CNBD1: variants seen among roughly 807,000 people sequenced by gnomAD.
CNBD1 encodes cyclic nucleotide binding domain containing 1.
Under a neutral mutation model 54.4 loss-of-function variants are expected in CNBD1, and 71 were observed. The ratio of observed to expected loss-of-function variants is 1.30; its 90% CI spans 1.08 to 1.59. The LOEUF (loss-of-function observed/expected upper bound fraction) is 1.59, where lower values mean the gene tolerates loss of function less well. Among genes scored for constraint, CNBD1 ranks in the 40% most tolerant of loss-of-function variants. CNBD1 has a pLI of 0.00. For synonymous variants in CNBD1, 182 were observed against 170.7 expected (o/e 1.07, Z -0.51); for missense variants, 659 against 518.0 (o/e 1.27, Z -2.64).
chr8:86,870,019 A>G (rs926029295), intron 1 of CNBD1, among the ~76,000 whole-genome samples: 2 of 151,640 alleles, frequency 1.3e-5, no homozygotes, highest in African/African-American at 2.4e-5. Context: ...CATTTTGACT[A>G]CTGGTTGACT....
In CNBD1 at chr8:86,898,304, G is replaced by C. The variant is rs578191505; in HGVS notation, c.159-6777G>C. ...TCAATGTTAAGTGATGGTCAGAATAGTGGTCAAAATAAAATTCAAAGTAAC... is the reference window on the plus strand; with the variant it reads ...TCAATGTTAAGTGATGGTCAGAATACTGGTCAAAATAAAATTCAAAGTAAC... On this transcript the variant is annotated intron_variant, in intron 2 of 10. Coordinates refer to ENST00000518476, the MANE Select transcript of CNBD1 (RefSeq NM_173538.3). Among the ~76,000 whole-genome samples, 7 of 152,050 alleles carry C rather than the reference G, an allele frequency of 4.6e-5. No homozygotes were observed. In the South Asian group the frequency reaches 1.5e-3, roughly 32 times the overall value.
At position 87,237,050 on chromosome 8, in the gene CNBD1, T is replaced by C. The variant is rs1586353833; in HGVS notation, c.709T>C (p.Trp237Arg). ...FISQSFHSFIWSEEFKNSTLA... is the reference protein window; with the variant it reads ...FISQSFHSFIRSEEFKNSTLA... ...ATCTCAGAGTTTCCACAGCTTCATT[T>C]GGAGTGAAGAATTCAAAAACTCTAC... Residue 237 changes from tryptophan (W) to arginine (R), a missense_variant, in exon 6 of 11, where the codon TGG becomes CGG. Physicochemically the swap from Trp to Arg is moderately radical, Grantham distance 101. Coordinates refer to ENST00000518476, the MANE Select transcript of CNBD1 (RefSeq NM_173538.3). 6.2e-7 allele frequency: 1 copy of C among 1,612,214 alleles called. No individual in the cohort carries two copies. The highest frequency in any genetic ancestry group is 2.2e-5 in the East Asian group (1 of 44,818).
chr8:87,344,047 T>C (rs1266245740), intron 8 of CNBD1, among the ~76,000 whole-genome samples: 1 of 152,146 alleles, frequency 6.6e-6, no homozygotes, highest in African/African-American at 2.4e-5. Context: ...TATAGAATGG[T>C]ATGTAGTTTG....
intron 4 of CNBD1, among the ~76,000 whole-genome samples, chr8:87,027,765 A>C (rs1432847883): frequency 6.6e-6 from 1 of 152,252 alleles, no homozygotes; most frequent in Non-Finnish European, 1.5e-5. Flanking sequence ...ATTCCAAAGA[A>C]TATTGGGGCC....
intron 3 of CNBD1, among the ~76,000 whole-genome samples, chr8:86,912,091 G>A (rs1809108845): frequency 6.6e-6 from 1 of 151,980 alleles, no homozygotes; most frequent in South Asian, 2.1e-4. Flanking sequence ...TTACAAAGAA[G>A]GCTGCTTACT....
At chr8:87,400,852 T>A (rs1050581745) in intron 2 of CNBD1, among the ~76,000 whole-genome samples, 4 of 152,010 alleles carry the variant, frequency 2.6e-5, no homozygotes, top group Admixed American at 2.6e-4. Context: ...GCTTATTGCT[T>A]TTTAAAGAAT....
rs544469944 is a variant in CNBD1 at position 87,344,372 on chromosome 8, C to A, written c.1043-7313C>A. On this transcript the variant is annotated intron_variant, in intron 8 of 10. Coordinates refer to ENST00000518476, the MANE Select transcript of CNBD1 (RefSeq NM_173538.3). ...AGTTTACAAAGTCTAATAAGAAAAA[C>A]ATGAACATTTCAGTTTAAAAATAGA... 1.4e-3 allele frequency among the ~76,000 whole-genome samples: 210 copies of A among 152,002 alleles called. 1 individual carries two copies. The highest frequency in any genetic ancestry group is 4.6e-3 in the African/African-American group (189 of 41,510).
chr8:87,393,579 A>G (rs561063344), intron 2 of CNBD1, among the ~76,000 whole-genome samples: 1 of 151,994 alleles, frequency 6.6e-6, no homozygotes, highest in African/African-American at 2.4e-5. Context: ...TTTGGACACA[A>G]TAATAGTCTG....
At chr8:87,357,156 T>C (rs1158367557) in intron 10 of CNBD1, among the ~76,000 whole-genome samples, 1 of 152,212 alleles carries the variant, frequency 6.6e-6, no homozygotes, top group Non-Finnish European at 1.5e-5. Context: ...AGAAGGCTCC[T>C]GCAGGGGCCC....
intron 8 of CNBD1, among the ~76,000 whole-genome samples, chr8:87,313,490 A>T (rs1809313193): frequency 2.6e-5 from 4 of 152,026 alleles, no homozygotes; most frequent in Admixed American, 2.6e-4. Flanking sequence ...AAGAACTATA[A>T]TGTATGTAAC....
intron 1 of CNBD1, among the ~76,000 whole-genome samples, chr8:86,875,477 C>G (rs1487460921): frequency 1.3e-5 from 2 of 152,200 alleles, no homozygotes; most frequent in Non-Finnish European, 2.9e-5. Context: ...GAATAAGCCA[C>G]TTTGGCAAGT....
chr8:87,056,372 T>C (rs953785045), intron 4 of CNBD1, among the ~76,000 whole-genome samples: 15 of 152,166 alleles, frequency 9.9e-5, no homozygotes, highest in Non-Finnish European at 1.9e-4. Context: ...TGTACAGCCT[T>C]ACAGTCCCTA....
intron 5 of CNBD1, among the ~76,000 whole-genome samples, chr8:87,220,824 G>A (rs537445478): frequency 6.6e-6 from 1 of 150,900 alleles, no homozygotes; most frequent in East Asian, 1.9e-4. Flanking sequence ...GATTTCTAAA[G>A]TTAAAAGTAA....
intron 5 of CNBD1, among the ~76,000 whole-genome samples, chr8:87,220,682 G>A (rs1286041438): frequency 6.6e-6 from 1 of 151,672 alleles, no homozygotes; most frequent in African/African-American, 2.4e-5. Flanking sequence ...GCATATTTTT[G>A]TCATACAGAT....
chr8:86,973,380 A>G (rs1241453535), intron 4 of CNBD1, among the ~76,000 whole-genome samples: 6 of 152,176 alleles, frequency 3.9e-5, no homozygotes, highest in Admixed American at 3.9e-4. Flanking sequence ...TGCAGTAATA[A>G]TTTATTTTAT....
intron 3 of CNBD1, among the ~76,000 whole-genome samples, chr8:86,927,885 G>A (rs186927777): frequency 2.6e-5 from 4 of 152,102 alleles, no homozygotes; most frequent in Non-Finnish European, 5.9e-5. Flanking sequence ...ATTCACAGGT[G>A]TATCGAGGCT....
Position 87,351,712 on chromosome 8 carries a change from C to A in CNBD1, c.1070C>A (p.Ser357Tyr), listed in dbSNP as rs200357055. The A allele has an allele frequency of 5.1e-4, 777 of 1,528,792 alleles. No individual in the cohort carries two copies. The highest frequency in any genetic ancestry group is 8.9e-4 in the Admixed American group (38 of 42,650). The allele number at this position is 1,528,792 out of a possible 1,614,324, so 94.7% of individuals were successfully genotyped here. A position where few individuals can be genotyped will look rare whatever the true frequency, so the allele number is the denominator to read the frequency against. Residue 357 changes from serine to tyrosine, a missense_variant, in exon 9 of 11, where the codon TCT becomes TAT. Ser to Tyr is a moderately radical substitution (Grantham distance 144, BLOSUM62 -2). Coordinates refer to ENST00000518476, the MANE Select transcript of CNBD1 (RefSeq NM_173538.3). The stretch of plus-strand genomic sequence containing the variant: ...ATAGTGGAAAGTGGAAATATAATTT[C>A]TTTTGTGGGTTATATTAACTCTGGA... ...HVIVESGNIISFVGYINSGCC... is the reference protein window; with the variant it reads ...HVIVESGNIIYFVGYINSGCC...
chr8:87,229,969 A>G lies in CNBD1; in HGVS notation c.578-6950A>G, dbSNP rs375383810. On this transcript the variant is annotated intron_variant, in intron 5 of 10. Transcript: ENST00000518476. ...TGAGACTGGGTAATTTATAAAGAAA[A>G]GAGTTTTAATTGCCTCATGGTACCA... 9.2e-5 allele frequency among the ~76,000 whole-genome samples: 14 copies of G among 152,306 alleles called. No individual in the cohort carries two copies. In the East Asian group the frequency reaches 1.5e-3, roughly 17 times the overall value.
At chr8:86,924,600 A>AT (rs562428127) in intron 3 of CNBD1, among the ~76,000 whole-genome samples, 51 of 152,088 alleles carry the variant, frequency 3.4e-4, no homozygotes, top group Non-Finnish European at 6.6e-4. Context: ...GACAATGAAT[A>AT]TTTTTTTGCC....
Sources: gnomAD v4.1 joint callset for allele counts (sites outside exome capture counted in the v4.1 genomes callset) on GRCh38, gnomAD v4.1.1 for gene constraint, MANE v1.5 for transcripts, NCBI Gene and HGNC (gene_info 2026-07-23, HGNC 2026-07-21) for gene names.